The following PARD3B variants were observed in gnomAD, a reference collection of about 807,000 sequenced individuals.
PARD3B encodes par-3 family cell polarity regulator beta, also known as partitioning defective 3 homolog B.
PARD3B carries 103 observed loss-of-function variants against 130.2 expected under a neutral mutation model. That is an observed-to-expected ratio of 0.79 (90% CI 0.67 to 0.93). PARD3B has a LOEUF of 0.93. Among genes scored for constraint, PARD3B ranks in the 40% least tolerant of loss-of-function variants. PARD3B has a pLI of 0.00. For missense variants in PARD3B, 1,609 were observed against 1,499.2 expected (o/e 1.07, Z -1.21); for synonymous variants, 583 against 553.2 (o/e 1.05, Z -0.76).
intron 2 of PARD3B, among the ~76,000 whole-genome samples, chr2:204,916,626 T>A (rs1344589935): frequency 1.3e-5 from 2 of 152,172 alleles, no homozygotes; most frequent in African/African-American, 4.8e-5. Flanking sequence ...GAAAATATTT[T>A]CATTGTCTAA....
At chr2:204,775,314 G>A (rs1022280464) in intron 2 of PARD3B, among the ~76,000 whole-genome samples, 7 of 152,106 alleles carry the variant, frequency 4.6e-5, no homozygotes, top group African/African-American at 1.7e-4. Flanking sequence ...TTTCAATGAA[G>A]TCTGTTATAT....
intron 20 of PARD3B, among the ~76,000 whole-genome samples, chr2:205,444,497 T>C (rs1427060897): frequency 6.6e-6 from 1 of 152,164 alleles, no homozygotes; most frequent in Admixed American, 6.5e-5. Flanking sequence ...TGAATAAGGG[T>C]ATTTTTCCTG....
chr2:205,132,384 G>C (rs2032083101), intron 10 of PARD3B, among the ~76,000 whole-genome samples: 1 of 152,024 alleles, frequency 6.6e-6, no homozygotes. Context: ...TGAATCCCAA[G>C]CTGTTTTATG....
chr2:204,629,541 T>C (rs2034608182), intron 1 of PARD3B, among the ~76,000 whole-genome samples: 1 of 151,850 alleles, frequency 6.6e-6, no homozygotes, highest in Admixed American at 6.6e-5. Context: ...GTTCTCTACC[T>C]CCTTTCTGTA....
At chr2:204,774,286 G>T (rs752570326) in intron 2 of PARD3B, among the ~76,000 whole-genome samples, 1 of 151,962 alleles carries the variant, frequency 6.6e-6, no homozygotes, top group African/African-American at 2.4e-5. Context: ...GAGAATCCAC[G>T]CTCTGTGAGG....
Position 205,341,402 on chromosome 2 carries a change from A to G in PARD3B, c.2630+39701A>G, listed in dbSNP as rs1201346088. ...TGGTATATATACACAATGGAATACTATTCAGCCATATAAAGAGTGAAATTC... is the reference window on the plus strand; with the variant it reads ...TGGTATATATACACAATGGAATACTGTTCAGCCATATAAAGAGTGAAATTC... On this transcript the variant is annotated intron_variant, in intron 18 of 22. Transcript: ENST00000406610. This position sits in a 1 kb window ranked among gnomAD's most constrained non-coding sequence, Gnocchi z 4.3. Among the ~76,000 whole-genome samples, 1 of 152,210 alleles carries G rather than the reference A, an allele frequency of 6.6e-6. No homozygotes were observed. Among genetic ancestry groups the G allele is most frequent in the Non-Finnish European group, 1.5e-5 (1 of 68,010 alleles).
chr2:204,615,171 G>C (rs2034065268), intron 1 of PARD3B, among the ~76,000 whole-genome samples: 1 of 152,084 alleles, frequency 6.6e-6, no homozygotes, highest in Non-Finnish European at 1.5e-5. Flanking sequence ...CAAACAGGTA[G>C]TTGGAAAAGG....
At chr2:204,958,019 A>C (rs1332549691) in intron 2 of PARD3B, among the ~76,000 whole-genome samples, 1 of 152,208 alleles carries the variant, frequency 6.6e-6, no homozygotes, top group Admixed American at 6.5e-5. Flanking sequence ...CAAAGAACTC[A>C]ATGTGGCAAA....
At chr2:204,846,321 T>C (rs1486659797) in intron 2 of PARD3B, among the ~76,000 whole-genome samples, 1 of 152,048 alleles carries the variant, frequency 6.6e-6, no homozygotes, top group Non-Finnish European at 1.5e-5. Flanking sequence ...AAAGCCTTTT[T>C]GGTAGGATAG....
At chr2:205,047,451 A>C (rs964716140) in intron 3 of PARD3B, 130 bp from the exon 4 acceptor site, 1 of 568,082 alleles carries the variant, frequency 1.8e-6, no homozygotes, top group Non-Finnish European at 3.1e-6. Flanking sequence ...TTAATTTACA[A>C]GCATCCTTAG....
chr2:204,737,924 T>C (rs899874945), intron 2 of PARD3B, among the ~76,000 whole-genome samples: 4 of 152,202 alleles, frequency 2.6e-5, no homozygotes, highest in Non-Finnish European at 5.9e-5. Flanking sequence ...TCCATAGATC[T>C]ATGTGCCTAC....
rs2055417196 is a variant in PARD3B, at chr2:205,615,858, A to G, written c.*45A>G. Reference sequence around the variant, plus strand: ...GCCCGGTCCAGAAAGGAAGGTGTCTACTCTACCTTTGCCCTTTCTAAACCT... The same window carrying G: ...GCCCGGTCCAGAAAGGAAGGTGTCTGCTCTACCTTTGCCCTTTCTAAACCT... On this transcript the variant is annotated 3_prime_UTR_variant, in exon 23 of 23. Coordinates refer to ENST00000406610, the MANE Select transcript of PARD3B (RefSeq NM_001302769.2). The G allele has an allele frequency of 6.7e-7, 1 of 1,498,780 alleles. No homozygotes were observed. 92.8% of individuals were successfully genotyped at this position (1,498,780 alleles called of 1,614,324 possible). A position where few individuals can be genotyped will look rare whatever the true frequency, so the allele number is the denominator to read the frequency against.
chr2:204,997,054 G>A (rs1471848994), intron 3 of PARD3B, among the ~76,000 whole-genome samples: 4 of 152,136 alleles, frequency 2.6e-5, no homozygotes, highest in South Asian at 2.1e-4. Context: ...CGTCGCTCAC[G>A]CTGGGAGCTG....
At chr2:205,152,989 T>C (rs1415070595) in intron 10 of PARD3B, among the ~76,000 whole-genome samples, 1 of 152,192 alleles carries the variant, frequency 6.6e-6, no homozygotes, top group East Asian at 1.9e-4. Context: ...GTTCTGTTTG[T>C]TGGTTTTCCT....
At position 205,276,258 on chromosome 2, in the gene PARD3B, G is replaced by A. The variant is rs16837138; in HGVS notation, c.2186-24272G>A. 0.09 allele frequency among the ~76,000 whole-genome samples: 13,695 copies of A among 152,254 alleles called. 630 individuals carry two copies. The highest frequency in any genetic ancestry group is 0.12 in the South Asian group (579 of 4,826). On this transcript the variant is annotated intron_variant, in intron 16 of 22. Transcript: ENST00000406610. The surrounding 1 kb of genome is among the most constrained non-coding windows in gnomAD (Gnocchi z 5.0). ...CATCCCTCTGCCATTCCTTCCTTTT[G>A]TAGTGAGCCAGCAGGGCGCCTGGTG...
At chr2:205,519,178 G>A (rs999172961) in intron 21 of PARD3B, among the ~76,000 whole-genome samples, 1 of 152,172 alleles carries the variant, frequency 6.6e-6, no homozygotes, top group Non-Finnish European at 1.5e-5. Flanking sequence ...CCTGAAATAC[G>A]TTTTCCAAGT....
chr2:205,057,773 G>A (rs1242094716), intron 4 of PARD3B, among the ~76,000 whole-genome samples: 3 of 149,944 alleles, frequency 2.0e-5, no homozygotes, highest in African/African-American at 4.9e-5. Flanking sequence ...ATACACACAC[G>A]TGTGTGTGTG....
intron 3 of PARD3B, among the ~76,000 whole-genome samples, chr2:204,985,039 T>C (rs1170165249): frequency 1.3e-5 from 2 of 152,068 alleles, no homozygotes; most frequent in African/African-American, 4.8e-5. Context: ...ATAATGATTA[T>C]AGGCATTGCT....
At position 205,378,776 on chromosome 2, in the gene PARD3B, C is replaced by T. The variant is rs189399964; in HGVS notation, c.2631-22237C>T. ...CCTCCTGAGTATTTGGGACTACAGG[C>T]GTGCACCACCACACCCAGCTAATTT... On this transcript the variant is annotated intron_variant, in intron 18 of 22. Coordinates refer to ENST00000406610, the MANE Select transcript of PARD3B (RefSeq NM_001302769.2). 3.4e-3 allele frequency among the ~76,000 whole-genome samples: 519 copies of T among 151,940 alleles called. 4 individuals are homozygous for T. Among genetic ancestry groups the T allele is most frequent in the Admixed American group, 5.3e-3 (81 of 15,258 alleles).
Sources: allele counts gnomAD v4.1 joint callset (sites outside exome capture counted in the v4.1 genomes callset), GRCh38; gene constraint gnomAD v4.1.1; non-coding constraint Gnocchi (gnomAD v3.1); transcripts MANE v1.5; gene names NCBI Gene and HGNC (gene_info 2026-07-23, HGNC 2026-07-21).